BCL6: variants seen among roughly 807,000 people sequenced by gnomAD.
BCL6 encodes the protein BCL6 transcription repressor.
A neutral mutation model predicts 59.5 loss-of-function variants in BCL6; 7 were observed. The observed-to-expected ratio is 0.12, with a 90% confidence interval of 0.07 to 0.22. The LOEUF (loss-of-function observed/expected upper bound fraction) is 0.22. Among genes scored for constraint, BCL6 ranks in the 10% least tolerant of loss-of-function variants. The probability of loss-of-function intolerance (pLI) is 1.00; values close to 1 mark genes in which losing one functional copy is unlikely to be tolerated. For missense variants in BCL6, 685 were observed against 939.4 expected, an observed-to-expected ratio of 0.73 and a Z score of 3.54; for synonymous variants, 339 against 349.7, an observed-to-expected ratio of 0.97 and a Z score of 0.34.
intron 1 of BCL6, among the ~76,000 whole-genome samples, chr3:187,739,776 G>C (rs1030805261): frequency 4.6e-4 from 70 of 152,276 alleles, no homozygotes; most frequent in Middle Eastern, 3.4e-3. Flanking sequence ...GCTGGACTGG[G>C]CTCAGCCTTT....
chr3:187,740,576 A>G (rs1266518773), intron 1 of BCL6, among the ~76,000 whole-genome samples: 1 of 152,168 alleles, frequency 6.6e-6, no homozygotes, highest in Non-Finnish European at 1.5e-5. Flanking sequence ...GAGCTGAGAT[A>G]AACCCGCCTT....
At chr3:187,745,144 A>G (rs539233681) in intron 1 of BCL6, among the ~76,000 whole-genome samples, 3 of 152,190 alleles carry the variant, frequency 2.0e-5, no homozygotes, top group East Asian at 1.9e-4. Context: ...AATACATAAC[A>G]ATCTATATCC....
At chr3:187,741,313 G>A (rs1188536590) in intron 1 of BCL6, among the ~76,000 whole-genome samples, 2 of 152,188 alleles carry the variant, frequency 1.3e-5, no homozygotes, top group African/African-American at 4.8e-5. Flanking sequence ...ACTGGGAAGG[G>A]AAAGAAGGTG....
chr3:187,721,639 C>T lies in BCL6; in HGVS notation c.*819G>A, dbSNP rs1560144711. ...CGTGAAAAAAGGCACCGTGAGGACA[C>T]GTTGTACGGGTATATACAAACTGAA... On this transcript the variant is annotated 3_prime_UTR_variant, in exon 10 of 10. Coordinates refer to ENST00000406870, the MANE Select transcript of BCL6 (RefSeq NM_001706.5). This position sits in a 1 kb window ranked among gnomAD's most constrained non-coding sequence, Gnocchi z 4.2. 4.3e-6 allele frequency: 1 copy of T among 232,862 alleles called. No homozygotes were observed. 14.4% of individuals were successfully genotyped at this position (232,862 alleles called of 1,614,324 possible).
At chr3:187,745,147 C>T (rs566362778) in intron 1 of BCL6, among the ~76,000 whole-genome samples, 6 of 152,188 alleles carry the variant, frequency 3.9e-5, no homozygotes, top group South Asian at 4.2e-4. Flanking sequence ...ACATAACAAT[C>T]TATATCCTAT....
intron 1 of BCL6, among the ~76,000 whole-genome samples, chr3:187,744,876 T>C (rs1576885786): frequency 1.3e-5 from 2 of 151,934 alleles, no homozygotes; most frequent in Admixed American, 1.3e-4. Context: ...TCCAGAGAGA[T>C]CACAAGCCGT....
chr3:187,745,343 C>G (rs1711902913), intron 1 of BCL6, 67 bp downstream of exon 1: 1 of 401,818 alleles, frequency 2.5e-6, no homozygotes, highest in South Asian at 1.2e-4. Context: ...GCGGCAGCGG[C>G]ACCAGCGGCA....
In BCL6 at chr3:187,729,868, G is replaced by A. The variant is rs548218137; in HGVS notation, c.537C>T (p.Ala179=). ...GGCCACTGTACAGGCTGGGGGCAAA[G>A]GCTCTGCTCTCACACCCAGGGGCGC... is the stretch of plus-strand genomic sequence containing the variant. ...LRSAPGCESR[A]FAPSLYSGLS... Residue 179 remains alanine, a synonymous_variant, in exon 5 of 10, where the codon GCC becomes GCT. Transcript: ENST00000406870. The surrounding 1 kb of genome is among the most constrained non-coding windows in gnomAD (Gnocchi z 5.6). The A allele has an allele frequency of 1.2e-6, 2 of 1,614,156 alleles. No individual in the cohort carries two copies. Among genetic ancestry groups the A allele is most frequent in the Non-Finnish European group, 1.7e-6 (2 of 1,180,022 alleles).
chr3:187,732,953 G>A (rs1719116732), intron 3 of BCL6, among the ~76,000 whole-genome samples: 1 of 152,036 alleles, frequency 6.6e-6, no homozygotes, highest in South Asian at 2.1e-4. Flanking sequence ...TAAAATGAAG[G>A]CAATAGTGTA....
rs1718415641 is a variant in BCL6 at position 187,721,606 on chromosome 3, A to C, written c.*852T>G. ...GATGGTGCACGCTCGCCCATCATTG[A>C]AAACTTCCGTGAAAAAAGGCACCGT... is the stretch of plus-strand genomic sequence containing the variant. On this transcript the variant is annotated 3_prime_UTR_variant, in exon 10 of 10. Transcript: ENST00000406870. This position sits in a 1 kb window ranked among gnomAD's most constrained non-coding sequence, Gnocchi z 4.2. The C allele has an allele frequency of 8.6e-6, 2 of 233,206 alleles. No individual in the cohort carries two copies. The highest frequency in any genetic ancestry group is 1.7e-5 in the Non-Finnish European group (2 of 117,806). 14.4% of individuals were successfully genotyped at this position (233,206 alleles called of 1,614,324 possible).
intron 6 of BCL6, 51 bp downstream of exon 6, chr3:187,728,309 C>A (rs1718823925): frequency 1.3e-6 from 2 of 1,491,056 alleles, no homozygotes; most frequent in African/African-American, 2.8e-5. Context: ...ACCTATGGAG[C>A]AGAGGGGCCT....
In BCL6 at chr3:187,725,713, G is replaced by C; in HGVS notation, c.1709-84C>G. 6.5e-7 allele frequency: 1 copy of C among 1,548,590 alleles called. No individual in the cohort carries two copies. Among genetic ancestry groups the C allele is most frequent in the East Asian group, 2.3e-5 (1 of 44,356 alleles). ...TCCGTGGCTCCTGGATTTCTAAGCA[G>C]CCTGCTCCTCCCTGAGGCCACTTGT... On this transcript the variant is annotated intron_variant, in intron 7 of 9. Coordinates refer to ENST00000406870, the MANE Select transcript of BCL6 (RefSeq NM_001706.5). The surrounding 1 kb of genome is among the most constrained non-coding windows in gnomAD (Gnocchi z 4.7).
Position 187,729,302 on chromosome 3 carries a change from G to A in BCL6, c.1103C>T (p.Thr368Ile), listed in dbSNP as rs767821014. The A allele has an allele frequency of 2.0e-5, 33 of 1,614,172 alleles. No homozygotes were observed. The highest frequency in any genetic ancestry group is 2.8e-5 in the Non-Finnish European group (33 of 1,180,044). ...ASGSPPAKSPTDPKACNWKKY... is the reference protein window; with the variant it reads ...ASGSPPAKSPIDPKACNWKKY... ...CTTCCAGTTGCAGGCTTTGGGGTCA[G>A]TGGGGCTCTTGGCTGGAGGGGAGCC... The change falls in exon 5 of 10, where the codon ACT (threonine) becomes ATT (isoleucine). Residue 368 changes from threonine to isoleucine, a missense_variant. Thr to Ile is a moderately conservative substitution (Grantham distance 89). Transcript: ENST00000406870. The surrounding 1 kb of genome is among the most constrained non-coding windows in gnomAD (Gnocchi z 5.6).
At chr3:187,744,901 A>T (rs533087810) in intron 1 of BCL6, among the ~76,000 whole-genome samples, 1 of 152,202 alleles carries the variant, frequency 6.6e-6, no homozygotes, top group African/African-American at 2.4e-5. Context: ...AAGCAGCAGC[A>T]GAAAGAGCGA....
At chr3:187,741,612 T>A (rs1305846195) in intron 1 of BCL6, among the ~76,000 whole-genome samples, 1 of 152,112 alleles carries the variant, frequency 6.6e-6, no homozygotes. Context: ...ACCAGCCAGT[T>A]CTGCCACCAC....
intron 3 of BCL6, among the ~76,000 whole-genome samples, chr3:187,732,688 A>C (rs1719104459): frequency 6.6e-6 from 1 of 152,258 alleles, no homozygotes. Flanking sequence ...ACTCATCTTC[A>C]AAGTAGGAGG....
chr3:187,744,915 C>G (rs537848587), intron 1 of BCL6, among the ~76,000 whole-genome samples: 3 of 152,196 alleles, frequency 2.0e-5, no homozygotes, highest in East Asian at 1.9e-4. Flanking sequence ...AGAGCGAGAG[C>G]GCGAGCGCGC....
intron 1 of BCL6, among the ~76,000 whole-genome samples, chr3:187,744,854 C>G (rs1337856124): frequency 1.3e-5 from 2 of 152,268 alleles, no homozygotes; most frequent in African/African-American, 4.8e-5. Flanking sequence ...GGAAAAAACA[C>G]AGCCGCACGA....
chr3:187,729,945 T>A lies in BCL6; in HGVS notation c.460A>T (p.Ile154Phe). The A allele has an allele frequency of 6.2e-7, 1 of 1,612,992 alleles. No individual in the cohort carries two copies. The highest frequency in any genetic ancestry group is 2.2e-5 in the East Asian group (1 of 44,854). The change falls in exon 5 of 10, where the codon ATC (isoleucine) becomes TTC (phenylalanine). Residue 154 changes from isoleucine to phenylalanine, a missense_variant. Transcript: ENST00000406870. This position sits in a 1 kb window ranked among gnomAD's most constrained non-coding sequence, Gnocchi z 5.6. ...ACCTCACGACCCCGATAGGCCATGA[T>A]GTCTTGGGGCATCAGCATCCGGCTG... ...LNSRMLMPQD[I>F]MAYRGREVVE...
Sources: gnomAD v4.1 joint callset for allele counts (sites outside exome capture counted in the v4.1 genomes callset) on GRCh38, gnomAD v4.1.1 for gene constraint, Gnocchi (gnomAD v3.1) non-coding constraint, MANE v1.5 for transcripts, NCBI Gene and HGNC (gene_info 2026-07-23, HGNC 2026-07-21) for gene names.